Variants in TMEM39A observed in about 807,000 individuals in gnomAD.
The protein encoded by TMEM39A is suppressor of SQST-1 aggregates in rpl-43 mutants.
Under a neutral mutation model 51.9 loss-of-function variants are expected in TMEM39A, and 19 were observed. That is an observed-to-expected ratio of 0.37 (90% CI 0.26 to 0.54). The LOEUF (loss-of-function observed/expected upper bound fraction) is 0.54, where lower values mean the gene tolerates loss of function less well. Ranked by LOEUF, TMEM39A falls within the 20% of genes least tolerant of loss-of-function variation. TMEM39A has a pLI of 0.88. For synonymous variants in TMEM39A, 197 were observed against 220.2 expected (o/e 0.89, Z 0.93); for missense variants, 433 against 590.5 (o/e 0.73, Z 2.76).
chr3:119,431,919 G>GA lies in TMEM39A; in HGVS notation c.*61dup. ...TCTTAAATATTTATAAAAATCACAAGAAAAAAATAGAACGTATGAAAATAT... is the reference window on the plus strand; with the variant it reads ...TCTTAAATATTTATAAAAATCACAAGAAAAAAAATAGAACGTATGAAAATAT... On this transcript the variant is annotated 3_prime_UTR_variant, in exon 9 of 9. Coordinates refer to ENST00000319172, the MANE Select transcript of TMEM39A (RefSeq NM_018266.3). The GA allele has an allele frequency of 3.6e-6, 4 of 1,124,706 alleles. No homozygotes were observed. The highest frequency in any genetic ancestry group is 4.9e-6 in the Non-Finnish European group (4 of 811,862). The allele number at this position is 1,124,706 out of a possible 1,614,324, so 69.7% of individuals were successfully genotyped here.
chr3:119,438,587 T>G (rs1038900921), intron 5 of TMEM39A, among the ~76,000 whole-genome samples: 5 of 152,222 alleles, frequency 3.3e-5, no homozygotes, highest in Admixed American at 2.0e-4. Context: ...ATAGAAATTT[T>G]TAAAGATACA....
chr3:119,439,564 A>G (rs1325195283), intron 5 of TMEM39A, among the ~76,000 whole-genome samples: 1 of 140,604 alleles, frequency 7.1e-6, no homozygotes, highest in East Asian at 2.1e-4. Flanking sequence ...GGGCAACAAG[A>G]GTGAAACTCC....
intron 7 of TMEM39A, 43 bp from the exon 8 acceptor site, chr3:119,434,925 A>G: frequency 1.9e-6 from 3 of 1,596,910 alleles, no homozygotes; most frequent in Non-Finnish European, 2.6e-6. Context: ...TGGCAATTAC[A>G]GATAAGATAG....
Position 119,452,512 on chromosome 3 carries a change from A to G in TMEM39A, c.355T>C (p.Tyr119His), listed in dbSNP as rs748015403. 5.0e-6 allele frequency: 8 copies of G among 1,613,500 alleles called. No individual in the cohort carries two copies. The highest frequency in any genetic ancestry group is 6.8e-6 in the Non-Finnish European group (8 of 1,179,602). Residue 119 changes from tyrosine to histidine, a missense_variant, in exon 4 of 9, where the codon TAT (tyrosine) becomes CAT (histidine). Transcript: ENST00000319172. Reference protein sequence around the residue: ...CTSLNFHLIDYHLAAFITVML... With the variant: ...CTSLNFHLIDHHLAAFITVML... Reference sequence around the variant, plus strand: ...ACTGTGATGAATGCTGCCAGATGATAATCAATGAGATGAAAATTCTACAAC... The same window carrying G: ...ACTGTGATGAATGCTGCCAGATGATGATCAATGAGATGAAAATTCTACAAC...
chr3:119,452,491 T>G lies in TMEM39A; in HGVS notation c.376A>C (p.Thr126Pro), dbSNP rs2081213571. 6.2e-7 allele frequency: 1 copy of G among 1,613,676 alleles called. No homozygotes were observed. Among genetic ancestry groups the G allele is most frequent in the Non-Finnish European group, 8.5e-7 (1 of 1,179,818 alleles). Reference sequence around the variant, plus strand: ...ACAAGCCTCCTCGCAAGCATCACTGTGATGAATGCTGCCAGATGATAATCA... The same window carrying G: ...ACAAGCCTCCTCGCAAGCATCACTGGGATGAATGCTGCCAGATGATAATCA... ...LIDYHLAAFI[T>P]VMLARRLVWA... The change falls in exon 4 of 9, where the codon ACA becomes CCA. Residue 126 changes from threonine (T) to proline (P), a missense_variant. Around this residue, in one of 3 missense-constraint regions of TMEM39A, gnomAD observed 170 missense variants for 239.8 expected, o/e 0.71. Transcript: ENST00000319172.
At chr3:119,443,849 G>A (rs999404118) in intron 5 of TMEM39A, among the ~76,000 whole-genome samples, 1 of 151,952 alleles carries the variant, frequency 6.6e-6, no homozygotes, top group African/African-American at 2.4e-5. Flanking sequence ...AGGCTGCAGT[G>A]AGCTGTGATT....
Position 119,463,500 on chromosome 3 carries a change from C to T in TMEM39A, c.-239G>A, listed in dbSNP as rs75116266. 18,558 of 398,738 alleles carry T rather than the reference C, an allele frequency of 0.047. 543 individuals carry two copies. The highest frequency in any genetic ancestry group is 0.077 in the Middle Eastern group (122 of 1,590). 24.7% of individuals were successfully genotyped at this position (398,738 alleles called of 1,614,324 possible). A position where few individuals can be genotyped will look rare whatever the true frequency, so the allele number is the denominator to read the frequency against. ...AGAGAATCAAGAAAAGGTGTCCAGG[C>T]TTCGGGCTGCCAGACTCAGACCCAG... On this transcript the variant is annotated 5_prime_UTR_variant, in exon 1 of 9. Coordinates refer to ENST00000319172, the MANE Select transcript of TMEM39A (RefSeq NM_018266.3).
intron 3 of TMEM39A, among the ~76,000 whole-genome samples, chr3:119,455,284 A>G (rs1471723327): frequency 6.6e-6 from 1 of 152,224 alleles, no homozygotes; most frequent in African/African-American, 2.4e-5. Flanking sequence ...ATCTTTGAAC[A>G]ACTCACTGAT....
intron 2 of TMEM39A, among the ~76,000 whole-genome samples, chr3:119,460,717 A>T (rs1026981199): frequency 4.6e-5 from 7 of 152,238 alleles, no homozygotes; most frequent in Non-Finnish European, 7.3e-5. Flanking sequence ...GAGAACGAAC[A>T]AAGAACTGCT....
intron 5 of TMEM39A, among the ~76,000 whole-genome samples, chr3:119,441,208 A>G (rs1158038007): frequency 1.3e-5 from 2 of 152,244 alleles, no homozygotes; most frequent in Non-Finnish European, 2.9e-5. Flanking sequence ...AAGTGAAAGG[A>G]CATCACACAT....
At chr3:119,445,199 T>C (rs1291657708) in intron 5 of TMEM39A, among the ~76,000 whole-genome samples, 1 of 152,204 alleles carries the variant, frequency 6.6e-6, no homozygotes, top group African/African-American at 2.4e-5. Flanking sequence ...GTCACACAGG[T>C]ATGTCCACAT....
intron 3 of TMEM39A, among the ~76,000 whole-genome samples, chr3:119,455,818 A>T (rs1389640443): frequency 6.6e-6 from 1 of 152,208 alleles, no homozygotes; most frequent in African/African-American, 2.4e-5. Flanking sequence ...TTCCAGGGAA[A>T]TGTCAACCCA....
At chr3:119,445,540 C>T (rs1373010469) in intron 5 of TMEM39A, among the ~76,000 whole-genome samples, 1 of 152,202 alleles carries the variant, frequency 6.6e-6, no homozygotes, top group Non-Finnish European at 1.5e-5. Context: ...GCTAGGATTA[C>T]AGGCTTGAGC....
At chr3:119,461,881 T>C in intron 2 of TMEM39A, 81 bp downstream of exon 2, 1 of 1,109,514 alleles carries the variant, frequency 9.0e-7, no homozygotes, top group Non-Finnish European at 1.3e-6. Flanking sequence ...TAAGCAAATA[T>C]CTGAATGACA....
Position 119,437,899 on chromosome 3 carries a change from G to A in TMEM39A, c.780C>T (p.Thr260=). The change falls in exon 6 of 9, where the codon ACC becomes ACT. Residue 260 remains threonine, a synonymous_variant. Coordinates refer to ENST00000319172, the MANE Select transcript of TMEM39A (RefSeq NM_018266.3). ...EQFNNATPIP[T]HSCPLSPDLI... Reference sequence around the variant, plus strand: ...GGTCTGGAGATAGGGGACAACTGTGGGTGGGGATGGGTGTGGCATTATTAA... The same window carrying A: ...GGTCTGGAGATAGGGGACAACTGTGAGTGGGGATGGGTGTGGCATTATTAA... The A allele has an allele frequency of 2.5e-6, 4 of 1,613,786 alleles. No individual in the cohort carries two copies. The highest frequency in any genetic ancestry group is 3.4e-6 in the Non-Finnish European group (4 of 1,179,722).
chr3:119,451,712 C>T (rs1198526503), intron 4 of TMEM39A, among the ~76,000 whole-genome samples: 1 of 151,356 alleles, frequency 6.6e-6, no homozygotes, highest in Non-Finnish European at 1.5e-5. Context: ...TGCCTGTAAT[C>T]CCAGCTACTT....
intron 4 of TMEM39A, chr3:119,451,377 T>C (rs1033082277): frequency 2.0e-5 from 19 of 964,536 alleles, no homozygotes; most frequent in Non-Finnish European, 2.6e-5. Context: ...TTATAGTAAC[T>C]ATTCATTTAA....
rs749052618 is a variant in TMEM39A, at chr3:119,437,747, C to G, written c.924+8G>C. 1 of 1,523,142 alleles carries G rather than the reference C, an allele frequency of 6.6e-7. No individual in the cohort carries two copies. Among genetic ancestry groups the G allele is most frequent in the Non-Finnish European group, 8.9e-7 (1 of 1,128,660 alleles). The allele number at this position is 1,523,142 out of a possible 1,614,324, so 94.4% of individuals were successfully genotyped here. On this transcript the variant is annotated splice_region_variant and intron_variant, in intron 6 of 8. Coordinates refer to ENST00000319172, the MANE Select transcript of TMEM39A (RefSeq NM_018266.3). ...CAGGAAGCACATAAAAGTAAGATAA[C>G]CACTTACCTTCACAAAACACAGGGG...
intron 4 of TMEM39A, chr3:119,451,306 A>G (rs1269892801): frequency 7.8e-7 from 1 of 1,288,548 alleles, no homozygotes; most frequent in Admixed American, 2.3e-5. Context: ...ATCAGAGCTT[A>G]CACACACAGA....
Sources: gnomAD v4.1 joint callset for allele counts (sites outside exome capture counted in the v4.1 genomes callset) on GRCh38, gnomAD v4.1.1 for gene constraint, gnomAD v4.1.1 regional missense constraint, MANE v1.5 for transcripts, NCBI Gene and HGNC (gene_info 2026-07-23, HGNC 2026-07-21) for gene names.